Variants in TANGO6 observed in about 807,000 individuals in gnomAD.
TANGO6 encodes transport and Golgi organization protein 6 homolog.
TANGO6 carries 90 observed loss-of-function variants against 114.2 expected under a neutral mutation model. That is an observed-to-expected ratio of 0.79 (90% confidence interval 0.66 to 0.94). The LOEUF (loss-of-function observed/expected upper bound fraction) is 0.94. Ranked by LOEUF, TANGO6 falls within the 40% of genes least tolerant of loss-of-function variation. The probability of loss-of-function intolerance (pLI) is 0.00; values close to 1 mark genes in which losing one functional copy is unlikely to be tolerated. For missense variants in TANGO6, 1,274 were observed against 1,315.3 expected (o/e 0.97, Z 0.49); for synonymous variants, 477 against 509.8 (o/e 0.94, Z 0.87).
chr16:68,861,749 A>G (rs1962095682), intron 2 of TANGO6, among the ~76,000 whole-genome samples: 1 of 152,156 alleles, frequency 6.6e-6, no homozygotes, highest in Non-Finnish European at 1.5e-5. Context: ...AGTCCCACCA[A>G]TAGCTGTGTT....
At chr16:68,873,125 C>T (rs1962304508) in intron 4 of TANGO6, among the ~76,000 whole-genome samples, 2 of 151,826 alleles carry the variant, frequency 1.3e-5, no homozygotes, top group East Asian at 3.9e-4. Context: ...CATGTCCCCC[C>T]AAAGAAGCCC....
At chr16:68,960,203 G>A (rs1016804092) in intron 14 of TANGO6, among the ~76,000 whole-genome samples, 70 of 151,876 alleles carry the variant, frequency 4.6e-4, no homozygotes, top group African/African-American at 1.6e-3. Context: ...TATAAGTTTC[G>A]CTGAATGCTT....
At chr16:68,916,842 C>A (rs1327645783) in intron 11 of TANGO6, among the ~76,000 whole-genome samples, 3 of 152,086 alleles carry the variant, frequency 2.0e-5, no homozygotes, top group Non-Finnish European at 4.4e-5. Flanking sequence ...CACAACATAG[C>A]CTCCTCCATT....
At chr16:68,946,362 T>C (rs1963414556) in intron 14 of TANGO6, among the ~76,000 whole-genome samples, 1 of 152,006 alleles carries the variant, frequency 6.6e-6, no homozygotes. Context: ...CGGCTAATTT[T>C]TTTGTATTTT....
At chr16:69,026,842 CT>C in intron 16 of TANGO6, among the ~76,000 whole-genome samples, 1 of 152,066 alleles carries the variant, frequency 6.6e-6, no homozygotes, top group Non-Finnish European at 1.5e-5. Context: ...GAAGAATGAC[CT>C]ACTGAGGGGG....
intron 15 of TANGO6, among the ~76,000 whole-genome samples, chr16:68,979,466 G>A (rs989983912): frequency 6.6e-6 from 1 of 152,086 alleles, no homozygotes. Flanking sequence ...CTGACCTCAG[G>A]TGATCCACCC....
intron 10 of TANGO6, 135 bp from the exon 11 acceptor site, chr16:68,909,076 A>G (rs188081576): frequency 1.6e-5 from 12 of 741,154 alleles, no homozygotes; most frequent in South Asian, 5.6e-5. Flanking sequence ...AGTTTTGGCT[A>G]TTATAAATAA....
chr16:68,890,205 C>T (rs1962591381), intron 7 of TANGO6, among the ~76,000 whole-genome samples: 1 of 152,188 alleles, frequency 6.6e-6, no homozygotes, highest in Non-Finnish European at 1.5e-5. Context: ...CACACATGTA[C>T]ATCCCTGTAA....
intron 15 of TANGO6, among the ~76,000 whole-genome samples, chr16:68,998,746 C>A (rs1006153098): frequency 4.5e-4 from 67 of 149,600 alleles, no homozygotes; most frequent in Middle Eastern, 3.6e-3. Context: ...AAAAAAAAAA[C>A]CAGTTTGTTT....
chr16:68,891,282 A>C (rs1962612573), intron 7 of TANGO6, among the ~76,000 whole-genome samples: 1 of 144,308 alleles, frequency 6.9e-6, no homozygotes, highest in South Asian at 2.2e-4. Flanking sequence ...ACAAGAGCAA[A>C]ACTCCATCTC....
chr16:69,071,677 G>A (rs1393456869), intron 17 of TANGO6, among the ~76,000 whole-genome samples: 1 of 152,166 alleles, frequency 6.6e-6, no homozygotes, highest in African/African-American at 2.4e-5. Flanking sequence ...CTGGATTGTG[G>A]TAATATGGTT....
intron 14 of TANGO6, among the ~76,000 whole-genome samples, chr16:68,939,277 C>T (rs1485636519): frequency 6.6e-6 from 1 of 152,042 alleles, no homozygotes; most frequent in Non-Finnish European, 1.5e-5. Flanking sequence ...GTAATCCCAG[C>T]TACTTGGGAG....
chr16:68,850,319 C>A (rs1434822131), intron 1 of TANGO6, among the ~76,000 whole-genome samples: 1 of 151,970 alleles, frequency 6.6e-6, no homozygotes, highest in Admixed American at 6.6e-5. Flanking sequence ...ATTTGTATTT[C>A]TTTTATCTGA....
At chr16:68,999,873 T>A (rs1964023931) in intron 15 of TANGO6, among the ~76,000 whole-genome samples, 1 of 152,170 alleles carries the variant, frequency 6.6e-6, no homozygotes, top group South Asian at 2.1e-4. Flanking sequence ...TCCAAGAGAG[T>A]CTTGAAAGTT....
At chr16:69,022,714 TAAAAAC>T in intron 15 of TANGO6, 108 bp from the exon 16 acceptor site, 1 of 1,163,772 alleles carries the variant, frequency 8.6e-7, no homozygotes, top group Non-Finnish European at 1.2e-6. Context: ...AAAAAAAAAA[TAAAAAC>T]AAAAAGAATA....
chr16:68,963,121 CT>C (rs946919701), intron 14 of TANGO6, among the ~76,000 whole-genome samples: 214 of 136,050 alleles, frequency 1.6e-3, no homozygotes, highest in Admixed American at 1.8e-3. Context: ...TGTCCTTGTG[CT>C]TTTTTTTTTT....
rs539249214 is a variant in TANGO6, at chr16:68,891,439, G to A, written c.1378-8995G>A. Among the ~76,000 whole-genome samples the A allele has an allele frequency of 3.3e-5, 5 of 152,294 alleles. No individual in the cohort carries two copies. In the South Asian group the frequency reaches 1.0e-3, roughly 32 times the overall value. On this transcript the variant is annotated intron_variant, in intron 7 of 17. Transcript: ENST00000261778. The stretch of plus-strand genomic sequence containing the variant: ...TGCACCACTTCTTTCCAACCTGGGT[G>A]ACAGAGCAAGGCTCCCTCTCAAGAA...
At chr16:68,967,349 C>T (rs1415040683) in intron 14 of TANGO6, among the ~76,000 whole-genome samples, 1 of 152,118 alleles carries the variant, frequency 6.6e-6, no homozygotes, top group African/African-American at 2.4e-5. Flanking sequence ...TGGGAGTATC[C>T]GTTGCCTCCA....
At chr16:68,980,876 T>C (rs1262992416) in intron 15 of TANGO6, among the ~76,000 whole-genome samples, 2 of 151,796 alleles carry the variant, frequency 1.3e-5, no homozygotes, top group Admixed American at 6.6e-5. Context: ...GCGCCTGTAG[T>C]GCCAGCTACT....
Sources: gnomAD v4.1 joint callset for allele counts (sites outside exome capture counted in the v4.1 genomes callset) on GRCh38, gnomAD v4.1.1 for gene constraint, MANE v1.5 for transcripts, NCBI Gene and HGNC (gene_info 2026-07-23, HGNC 2026-07-21) for gene names.